The following SNTA1 variants were observed in gnomAD, a reference collection of about 807,000 sequenced individuals.
The protein encoded by SNTA1 is alpha-1-syntrophin.
SNTA1 carries 31 observed loss-of-function variants against 47.1 expected under a neutral mutation model. The ratio of observed to expected loss-of-function variants is 0.66; its 90% CI spans 0.49 to 0.89. The LOEUF (loss-of-function observed/expected upper bound fraction) is 0.89. Ranked by LOEUF, SNTA1 falls within the 40% of genes least tolerant of loss-of-function variation. SNTA1 has a pLI of 0.00. For synonymous variants in SNTA1, 300 were observed against 313.6 expected (o/e 0.96, Z 0.46); for missense variants, 575 against 693.0 (o/e 0.83, Z 1.91).
At position 33,417,732 on chromosome 20, in the gene SNTA1, C is replaced by T. The variant is rs1243725752; in HGVS notation, c.688G>A (p.Asp230Asn). 1.2e-6 allele frequency: 2 copies of T among 1,613,898 alleles called. No individual in the cohort carries two copies. The highest frequency in any genetic ancestry group is 2.2e-5 in the South Asian group (2 of 91,070). The change falls in exon 3 of 8, where the codon GAC becomes AAC. Residue 230 changes from aspartate (D) to asparagine (N), a missense_variant. Physicochemically the swap from Asp to Asn is conservative, Grantham distance 23. Coordinates refer to ENST00000217381, the MANE Select transcript of SNTA1 (RefSeq NM_003098.3). ...CCCCAGCCTTACCTGGGCTCCGGGT[C>T]ATTGGGGGTGCACCTCTTCGAGACA... ...AYVSKRCTPN[D>N]PEPRYLEICS...
rs974868674 is a variant in SNTA1 at position 33,443,660 on chromosome 20, C to A, written c.-40G>T. The A allele has an allele frequency of 2.6e-6, 3 of 1,149,876 alleles. No individual in the cohort carries two copies. The highest frequency in any genetic ancestry group is 3.2e-6 in the Non-Finnish European group (3 of 933,128). The allele number at this position is 1,149,876 out of a possible 1,614,324, so 71.2% of individuals were successfully genotyped here. A position where few individuals can be genotyped will look rare whatever the true frequency, so the allele number is the denominator to read the frequency against. ...CCCCGGGCCGCCGCGCTCGCCCTGTCCCGCTTTGCCCAGCCCGCTCCGACC... is the reference window on the plus strand; with the variant it reads ...CCCCGGGCCGCCGCGCTCGCCCTGTACCGCTTTGCCCAGCCCGCTCCGACC... On this transcript the variant is annotated 5_prime_UTR_variant, in exon 1 of 8. Coordinates refer to ENST00000217381, the MANE Select transcript of SNTA1 (RefSeq NM_003098.3).
intron 2 of SNTA1, among the ~76,000 whole-genome samples, chr20:33,421,109 G>C (rs1357503395): frequency 6.6e-6 from 1 of 151,092 alleles, no homozygotes; most frequent in East Asian, 1.9e-4. Flanking sequence ...GCAAGCAGAG[G>C]CTGCAGCAAG....
At position 33,412,278 on chromosome 20, in the gene SNTA1, G is replaced by T. The variant is rs775042755; in HGVS notation, c.1040+18C>A. The T allele has an allele frequency of 6.2e-7, 1 of 1,606,928 alleles. No homozygotes were observed. The highest frequency in any genetic ancestry group is 8.5e-7 in the Non-Finnish European group (1 of 1,178,390). ...TGGCAAGTTCTGGGGGAGACATACT[G>T]CCCCTGCCTGTGGGTACCTGGTGGC... On this transcript the variant is annotated intron_variant, in intron 5 of 7. Transcript: ENST00000217381.
At chr20:33,411,545 C>A (rs1034319260) in intron 5 of SNTA1, among the ~76,000 whole-genome samples, 1 of 152,212 alleles carries the variant, frequency 6.6e-6, no homozygotes, top group Non-Finnish European at 1.5e-5. Flanking sequence ...CACCTCCCCA[C>A]TTCCATCCTG....
chr20:33,421,151 A>G (rs1990009322), intron 2 of SNTA1, among the ~76,000 whole-genome samples: 1 of 139,564 alleles, frequency 7.2e-6, no homozygotes, highest in Admixed American at 7.2e-5. Context: ...CCAGTCTGGT[A>G]ACAGAGTGAT....
chr20:33,437,852 G>T (rs146547902), intron 2 of SNTA1, among the ~76,000 whole-genome samples: 10 of 152,256 alleles, frequency 6.6e-5, no homozygotes, highest in African/African-American at 2.4e-4. Flanking sequence ...AGCAGGAGGC[G>T]TGTAACAACT....
In SNTA1 at chr20:33,421,800, A is replaced by G. The variant is rs531612688; in HGVS notation, c.497-3877T>C. On this transcript the variant is annotated intron_variant, in intron 2 of 7. Coordinates refer to ENST00000217381, the MANE Select transcript of SNTA1 (RefSeq NM_003098.3). ...GCAAAACCTTGTCTCTACCAAAAAC[A>G]CAAAACATTAGCCAGGCATGGTAGT... Among the ~76,000 whole-genome samples, 49 of 150,952 alleles carry G rather than the reference A, an allele frequency of 3.2e-4. No homozygotes were observed. In the South Asian group the frequency reaches 9.4e-3, roughly 29 times the overall value.
chr20:33,408,919 G>C (rs1245824818), intron 6 of SNTA1, 31 bp from the exon 7 acceptor site: 3 of 1,601,910 alleles, frequency 1.9e-6, no homozygotes, highest in Non-Finnish European at 1.7e-6. Context: ...TACAGGCACA[G>C]CTGGCACCTC....
chr20:33,412,072 T>A (rs1345465374), intron 5 of SNTA1, among the ~76,000 whole-genome samples: 1 of 152,194 alleles, frequency 6.6e-6, no homozygotes, highest in Non-Finnish European at 1.5e-5. Flanking sequence ...GCACAAGGCA[T>A]AAGTGTCAGC....
rs755263941 is a variant in SNTA1, at chr20:33,438,969, G to T, written c.368C>A (p.Ala123Asp). ...CACAAAAAGGGCCTCTGTCTGGTCA[G>T]CTGCCAATCCCTTGAAGATCTTGGA... ...LISKIFKGLA[A>D]DQTEALFVGD... is the part of the protein sequence containing the mutation. The change falls in exon 2 of 8, where the codon GCT becomes GAT. Residue 123 changes from alanine (A) to aspartate (D), a missense_variant. Physicochemically the swap from Ala to Asp is moderately radical, Grantham distance 126. Coordinates refer to ENST00000217381, the MANE Select transcript of SNTA1 (RefSeq NM_003098.3). 1 of 1,614,164 alleles carries T rather than the reference G, an allele frequency of 6.2e-7. No individual in the cohort carries two copies.
chr20:33,422,828 C>A (rs1990067323), intron 2 of SNTA1, among the ~76,000 whole-genome samples: 1 of 152,152 alleles, frequency 6.6e-6, no homozygotes. Context: ...CAGGGCAGGA[C>A]AGGCTCATTT....
intron 2 of SNTA1, among the ~76,000 whole-genome samples, chr20:33,425,115 C>CA (rs994797806): frequency 2.0e-4 from 28 of 141,530 alleles, no homozygotes; most frequent in South Asian, 6.7e-4. Context: ...GACTCCATCT[C>CA]AAAAAAAAAA....
Position 33,408,901 on chromosome 20 carries a change from C to T in SNTA1, c.1238-13G>A, listed in dbSNP as rs748801869. On this transcript the variant is annotated splice_polypyrimidine_tract_variant and intron_variant, in intron 6 of 7. Transcript: ENST00000217381. ...TTCCACGTGCAGGCTGCAGGGAGGG[C>T]ACATAGGTACAGGCACAGCTGGCAC... The T allele has an allele frequency of 9.9e-6, 16 of 1,612,492 alleles. No homozygotes were observed. Among genetic ancestry groups the T allele is most frequent in the Non-Finnish European group, 1.3e-5 (15 of 1,179,250 alleles).
chr20:33,410,705 A>G (rs1008557356), intron 5 of SNTA1, among the ~76,000 whole-genome samples: 3 of 152,172 alleles, frequency 2.0e-5, no homozygotes, highest in African/African-American at 7.2e-5. Context: ...CCCAGTCCAA[A>G]ATAGCACCCT....
intron 3 of SNTA1, among the ~76,000 whole-genome samples, chr20:33,416,272 G>T (rs571202583): frequency 1.3e-5 from 2 of 152,162 alleles, no homozygotes; most frequent in Non-Finnish European, 2.9e-5. Context: ...CATTTGCTTG[G>T]CATTGAACCT....
chr20:33,418,653 C>T (rs775886859), intron 2 of SNTA1, among the ~76,000 whole-genome samples: 25 of 151,658 alleles, frequency 1.6e-4, no homozygotes, highest in Non-Finnish European at 1.0e-4. Flanking sequence ...GCTAGCCGGG[C>T]GTGGTGGCTC....
intron 2 of SNTA1, among the ~76,000 whole-genome samples, chr20:33,424,456 T>C (rs1473024087): frequency 2.0e-5 from 3 of 151,598 alleles, no homozygotes; most frequent in Admixed American, 2.0e-4. Context: ...GGAGGATTGC[T>C]TGAGCCCAGG....
Position 33,417,808 on chromosome 20 carries a change from G to A in SNTA1, c.612C>T (p.Pro204=). Residue 204 remains proline (P), a synonymous_variant, in exon 3 of 8, where the codon CCC becomes CCT. Transcript: ENST00000217381. ...TGGCCTCGCTGAAGTTCCGGGGTGTGGGGCCAGGGGAGGAAGGCTGCCGCT... is the reference window on the plus strand; with the variant it reads ...TGGCCTCGCTGAAGTTCCGGGGTGTAGGGCCAGGGGAGGAAGGCTGCCGCT... ...PLQRQPSSPG[P]TPRNFSEAKH... is the part of the protein sequence containing the mutation. The A allele has an allele frequency of 6.2e-7, 1 of 1,614,086 alleles. No individual in the cohort carries two copies. The highest frequency in any genetic ancestry group is 8.5e-7 in the Non-Finnish European group (1 of 1,179,980).
intron 5 of SNTA1, 150 bp from the exon 6 acceptor site, chr20:33,410,481 C>G (rs1989714300): frequency 1.6e-6 from 1 of 616,432 alleles, no homozygotes; most frequent in Non-Finnish European, 2.9e-6. Context: ...ATTGACTCAG[C>G]AGGAGACATC....
Sources: gnomAD v4.1 joint callset for allele counts (sites outside exome capture counted in the v4.1 genomes callset) on GRCh38, gnomAD v4.1.1 for gene constraint, MANE v1.5 for transcripts, NCBI Gene and HGNC (gene_info 2026-07-23, HGNC 2026-07-21) for gene names.